FAM135A: variants seen among roughly 807,000 people sequenced by gnomAD.
FAM135A encodes the protein protein FAM135A.
Under a neutral mutation model 146.8 loss-of-function variants are expected in FAM135A, and 79 were observed. That is an observed-to-expected ratio of 0.54 (90% CI 0.45 to 0.65). The LOEUF is 0.65. FAM135A is among the 30% of genes least tolerant of loss of function. FAM135A has a pLI of 0.00. For synonymous variants in FAM135A, 562 were observed against 603.6 expected (o/e 0.93, Z 1.01); for missense variants, 1,623 against 1,758.2 (o/e 0.92, Z 1.38).
At chr6:70,482,985 T>A (rs1784015110) in intron 10 of FAM135A, among the ~76,000 whole-genome samples, 1 of 152,186 alleles carries the variant, frequency 6.6e-6, no homozygotes, top group African/African-American at 2.4e-5. Flanking sequence ...TCTGTATTCT[T>A]ACTTTATTCC....
At chr6:70,557,769 G>A (rs1286485028) in intron 21 of FAM135A, 2 of 150,974 alleles carry the variant, frequency 1.3e-5, no homozygotes, top group African/African-American at 4.9e-5. Flanking sequence ...TTGGAATGAG[G>A]CTGATTTTAA....
intron 20 of FAM135A, among the ~76,000 whole-genome samples, chr6:70,551,332 AG>A (rs1415654510): frequency 5.9e-5 from 9 of 152,206 alleles, no homozygotes; most frequent in African/African-American, 2.2e-4. Flanking sequence ...AAACAGAGCC[AG>A]GCATGGTGGC....
chr6:70,480,875 TA>T (rs1562494400), intron 8 of FAM135A, 25 bp from the exon 9 acceptor site: 2 of 1,594,392 alleles, frequency 1.3e-6, no homozygotes, highest in Non-Finnish European at 1.7e-6. Flanking sequence ...CGTATGACAA[TA>T]ATAATGTAAT....
At position 70,491,186 on chromosome 6, in the gene FAM135A, A is replaced by G. The variant is rs149652187; in HGVS notation, c.873+103A>G. The G allele has an allele frequency of 1.2e-4, 111 of 937,480 alleles. No homozygotes were observed. In the African/African-American group the frequency reaches 1.8e-3, roughly 15 times the overall value. 58.1% of individuals were successfully genotyped at this position (937,480 alleles called of 1,614,324 possible). On this transcript the variant is annotated intron_variant, in intron 11 of 21. Coordinates refer to ENST00000418814, the MANE Select transcript of FAM135A (RefSeq NM_001162529.3). ...AAAACTTAAAGTATTTATAGTTCCT[A>G]AAATGCAAAGATAAAATGGTTGATC... is the stretch of plus-strand genomic sequence containing the variant.
intron 10 of FAM135A, among the ~76,000 whole-genome samples, chr6:70,487,726 A>G (rs182152918): frequency 5.9e-5 from 9 of 152,136 alleles, no homozygotes; most frequent in Non-Finnish European, 1.2e-4. Flanking sequence ...GCCATTTATG[A>G]CATTTTAGCA....
intron 12 of FAM135A, chr6:70,504,121 T>A (rs1789187696): frequency 6.6e-6 from 1 of 152,186 alleles, no homozygotes; most frequent in South Asian, 2.1e-4. Flanking sequence ...CTCCACACAC[T>A]CTCCAACTCT....
chr6:70,488,069 C>G (rs1785059719), intron 10 of FAM135A, among the ~76,000 whole-genome samples: 1 of 151,906 alleles, frequency 6.6e-6, no homozygotes, highest in South Asian at 2.1e-4. Flanking sequence ...ACCTAGCATC[C>G]CCACTTCTGT....
intron 4 of FAM135A, among the ~76,000 whole-genome samples, chr6:70,447,749 G>T (rs1582173189): frequency 6.6e-6 from 1 of 152,206 alleles, no homozygotes; most frequent in East Asian, 1.9e-4. Flanking sequence ...ACATATTTCA[G>T]ACTCAGCAGT....
At chr6:70,435,110 T>TATA (rs1491382108) in intron 4 of FAM135A, among the ~76,000 whole-genome samples, 5 of 66,006 alleles carry the variant, frequency 7.6e-5, no homozygotes, top group East Asian at 5.7e-4. Context: ...TATATATATA[T>TATA]TTTTTTTTTT....
At chr6:70,479,863 C>T (rs1783382780) in intron 8 of FAM135A, among the ~76,000 whole-genome samples, 1 of 151,910 alleles carries the variant, frequency 6.6e-6, no homozygotes, top group Non-Finnish European at 1.5e-5. Context: ...TTTATTTGAA[C>T]TGTTTCTTAT....
chr6:70,487,949 T>G (rs1785027503), intron 10 of FAM135A, among the ~76,000 whole-genome samples: 1 of 152,168 alleles, frequency 6.6e-6, no homozygotes, highest in East Asian at 1.9e-4. Context: ...TTGAGATATC[T>G]TTTATCCTTA....
In FAM135A at chr6:70,482,046, C is replaced by G. The variant is rs376512666; in HGVS notation, c.715C>G (p.Arg239Gly). 3 of 1,613,732 alleles carry G rather than the reference C, an allele frequency of 1.9e-6. No individual in the cohort carries two copies. The highest frequency in any genetic ancestry group is 1.3e-5 in the African/African-American group (1 of 75,014). Reference protein sequence around the residue: ...IADSFLHHAYRFHYTLCATLL... With the variant: ...IADSFLHHAYGFHYTLCATLL... ...AGACTCCTTCCTACATCATGCGTATCGTTTTCATTATACACTTTGTGCCAC... is the reference window on the plus strand; with the variant it reads ...AGACTCCTTCCTACATCATGCGTATGGTTTTCATTATACACTTTGTGCCAC... The change falls in exon 10 of 22, where the codon CGT becomes GGT. Residue 239 changes from arginine to glycine, a missense_variant. Coordinates refer to ENST00000418814, the MANE Select transcript of FAM135A (RefSeq NM_001162529.3).
chr6:70,541,275 G>T (rs916650623), intron 20 of FAM135A, among the ~76,000 whole-genome samples: 2 of 151,906 alleles, frequency 1.3e-5, no homozygotes, highest in Non-Finnish European at 2.9e-5. Context: ...AGTGTTGGGG[G>T]GTAGGGTTGA....
chr6:70,554,465 GAC>G (rs1800446210), intron 20 of FAM135A, among the ~76,000 whole-genome samples: 5 of 152,160 alleles, frequency 3.3e-5, no homozygotes, highest in Admixed American at 3.3e-4. Flanking sequence ...TAGGAAGAAA[GAC>G]TTCTGGGAAT....
chr6:70,442,742 A>C (rs1774854824), intron 4 of FAM135A, among the ~76,000 whole-genome samples: 1 of 152,048 alleles, frequency 6.6e-6, no homozygotes, highest in Admixed American at 6.6e-5. Flanking sequence ...TATCCCAAAA[A>C]AAAAGAGCCA....
chr6:70,540,278 C>G (rs965321230), intron 20 of FAM135A, among the ~76,000 whole-genome samples: 4 of 150,226 alleles, frequency 2.7e-5, no homozygotes, highest in African/African-American at 9.8e-5. Flanking sequence ...CTCTCACTCC[C>G]TTCTCATCTG....
chr6:70,469,672 C>T (rs967939180), intron 5 of FAM135A, among the ~76,000 whole-genome samples: 1 of 152,058 alleles, frequency 6.6e-6, no homozygotes, highest in Non-Finnish European at 1.5e-5. Context: ...AATCTATGTT[C>T]CTAACCACTG....
intron 15 of FAM135A, 104 bp downstream of exon 15, chr6:70,526,802 C>CACAT (rs1554161866): frequency 8.3e-5 from 44 of 528,098 alleles, no homozygotes; most frequent in African/African-American, 5.9e-4. Context: ...CACACACACA[C>CACAT]ATATATATAT....
At position 70,482,170 on chromosome 6, in the gene FAM135A, C is replaced by A. The variant is rs1418758236; in HGVS notation, c.823+16C>A. ...CTAGAACTGGGTATGTTAAAAGTAG[C>A]GAGACTTATTCTACAGTTCAAATCA... On this transcript the variant is annotated intron_variant, in intron 10 of 21. Coordinates refer to ENST00000418814, the MANE Select transcript of FAM135A (RefSeq NM_001162529.3). The A allele has an allele frequency of 1.9e-6, 3 of 1,611,258 alleles. No individual in the cohort carries two copies. The African/African-American group carries it at 4.0e-5, about 22-fold the overall frequency.
Sources: allele counts gnomAD v4.1 joint callset (sites outside exome capture counted in the v4.1 genomes callset), GRCh38; gene constraint gnomAD v4.1.1; transcripts MANE v1.5; gene names NCBI Gene and HGNC (gene_info 2026-07-23, HGNC 2026-07-21).